The following LTBP1 variants were observed in gnomAD, a reference collection of about 807,000 sequenced individuals.
LTBP1 encodes the protein latent-transforming growth factor beta-binding protein 1.
Under a neutral mutation model 207.6 loss-of-function variants are expected in LTBP1, and 129 were observed. That is an observed-to-expected ratio of 0.62 (90% confidence interval 0.54 to 0.72). The LOEUF is 0.72. Among genes scored for constraint, LTBP1 ranks in the 30% least tolerant of loss-of-function variants. LTBP1 has a pLI of 0.00. For missense variants in LTBP1, 2,281 were observed against 2,217.2 expected, an observed-to-expected ratio of 1.03 and a Z score of -0.58; for synonymous variants, 963 against 833.7, an observed-to-expected ratio of 1.16 and a Z score of -2.67.
chr2:33,126,264 T>C (rs2081428971), intron 4 of LTBP1, among the ~76,000 whole-genome samples: 1 of 152,184 alleles, frequency 6.6e-6, no homozygotes, highest in African/African-American at 2.4e-5. Context: ...AAACAGGGTC[T>C]TGCTATATTG....
chr2:33,029,298 G>A (rs909333499), intron 3 of LTBP1, among the ~76,000 whole-genome samples: 3 of 152,056 alleles, frequency 2.0e-5, no homozygotes, highest in African/African-American at 4.8e-5. Context: ...CCAACATGGT[G>A]AAACCCCGTC....
intron 7 of LTBP1, among the ~76,000 whole-genome samples, chr2:33,214,033 T>G (rs940139488): frequency 6.6e-6 from 1 of 152,242 alleles, no homozygotes; most frequent in Non-Finnish European, 1.5e-5. Context: ...AAAATTGGAT[T>G]TTAACTGCTA....
Position 33,161,433 on chromosome 2 carries a change from A to T in LTBP1, c.1202-25423A>T, listed in dbSNP as rs186020441. ...AGGTGCCCGCCACCACACCCAGCTA[A>T]TTTTTTTGTATTTTCAGTAGAGATG... On this transcript the variant is annotated intron_variant, in intron 5 of 33. Transcript: ENST00000404816. Among the ~76,000 whole-genome samples the T allele has an allele frequency of 3.6e-3, 540 of 151,842 alleles. 2 individuals carry two copies. Among genetic ancestry groups the T allele is most frequent in the Non-Finnish European group, 6.1e-3 (412 of 67,926 alleles).
At position 33,243,766 on chromosome 2, in the gene LTBP1, A is replaced by G. The variant is rs1179907398; in HGVS notation, c.1981A>G (p.Thr661Ala). 1.9e-6 allele frequency: 3 copies of G among 1,613,934 alleles called. No homozygotes were observed. The highest frequency in any genetic ancestry group is 2.5e-6 in the Non-Finnish European group (3 of 1,179,962). ...TCKIGFGPDP[T>A]FSSCVPDPPV... ...CAAAATAGGATTTGGGCCGGATCCTACCTTTTCAAGTTGTGTTCGTAAGTA... is the reference window on the plus strand; with the variant it reads ...CAAAATAGGATTTGGGCCGGATCCTGCCTTTTCAAGTTGTGTTCGTAAGTA... The change falls in exon 10 of 34, where the codon ACC becomes GCC. Residue 661 changes from threonine to alanine, a missense_variant. Physicochemically the swap from Thr to Ala is moderately conservative, Grantham distance 58. Around this residue, in one of 3 missense-constraint regions of LTBP1, gnomAD observed 1,671 missense variants for 1,634.8 expected, o/e 1.02. Transcript: ENST00000404816.
chr2:33,373,504 G>C (rs1160650876), intron 31 of LTBP1, among the ~76,000 whole-genome samples: 1 of 152,194 alleles, frequency 6.6e-6, no homozygotes, highest in East Asian at 1.9e-4. Context: ...TCAAAGCAAT[G>C]TCAGTATGTA....
intron 4 of LTBP1, among the ~76,000 whole-genome samples, chr2:33,125,477 G>A (rs1334792146): frequency 6.6e-6 from 1 of 152,108 alleles, no homozygotes; most frequent in African/African-American, 2.4e-5. Context: ...AAAAGCAGAA[G>A]GGAAGAAGAA....
rs1426463176 is a variant in LTBP1 at position 33,365,484 on chromosome 2, C to T, written c.4692C>T (p.Leu1564=). 1 of 1,614,024 alleles carries T rather than the reference C, an allele frequency of 6.2e-7. No homozygotes were observed. The highest frequency in any genetic ancestry group is 1.7e-4 in the Middle Eastern group (1 of 6,054). The change falls in exon 31 of 34, where the codon CTC becomes CTT. Residue 1564 remains leucine (L), a synonymous_variant. Transcript: ENST00000404816. ...AGGCCTGGGGCATGCAGTGTGCCCTCTGCCCCCTGAAGGATTCAGGTGAGC... is the reference window on the plus strand; with the variant it reads ...AGGCCTGGGGCATGCAGTGTGCCCTTTGCCCCCTGAAGGATTCAGGTGAGC... ...YGEAWGMQCA[L]CPLKDSDDYA...
intron 15 of LTBP1, among the ~76,000 whole-genome samples, chr2:33,267,948 G>A (rs1306796752): frequency 1.3e-5 from 2 of 152,174 alleles, no homozygotes; most frequent in African/African-American, 4.8e-5. Flanking sequence ...GAAATACAGG[G>A]CTGACATCTG....
chr2:32,995,981 G>A (rs1685205780), intron 2 of LTBP1, among the ~76,000 whole-genome samples: 1 of 152,106 alleles, frequency 6.6e-6, no homozygotes. Flanking sequence ...TTACACCTGT[G>A]GGATTAACTA....
chr2:33,302,446 T>G (rs1196305806), intron 22 of LTBP1, among the ~76,000 whole-genome samples: 3 of 152,178 alleles, frequency 2.0e-5, no homozygotes, highest in Admixed American at 6.5e-5. Flanking sequence ...TTTTGGTGAA[T>G]GGTTTCATGA....
intron 15 of LTBP1, among the ~76,000 whole-genome samples, chr2:33,267,466 G>T (rs561428047): frequency 6.6e-6 from 1 of 152,296 alleles, no homozygotes; most frequent in East Asian, 1.9e-4. Context: ...GGCTAAAATT[G>T]TTATTCTCTA....
chr2:33,355,467 T>A (rs941033378), intron 26 of LTBP1, among the ~76,000 whole-genome samples: 1 of 152,198 alleles, frequency 6.6e-6, no homozygotes, highest in African/African-American at 2.4e-5. Context: ...GACATGTAAA[T>A]TGTTACACTA....
In LTBP1 at chr2:33,315,185, G is replaced by A. The variant is rs765474741; in HGVS notation, c.3646G>A (p.Gly1216Arg). ...CEHPGLCGPQ[G>R]ECLNTEGSFH... ...ACATCCAGGGCTCTGTGGTCCGCAA[G>A]GGGAGTGCCTAAACACAGAGGGTTC... is the stretch of plus-strand genomic sequence containing the variant. Residue 1216 changes from glycine to arginine, a missense_variant, in exon 24 of 34, where the codon GGG (glycine) becomes AGG (arginine). By Grantham distance (125) the Gly-to-Arg change is moderately radical (BLOSUM62 -2). This residue lies in a region of LTBP1 where 1,671 missense variants were observed against 1,634.8 expected (regional missense o/e 1.02). Coordinates refer to ENST00000404816, the MANE Select transcript of LTBP1 (RefSeq NM_206943.4). The A allele has an allele frequency of 6.8e-6, 11 of 1,612,612 alleles. No individual in the cohort carries two copies. The highest frequency in any genetic ancestry group is 1.3e-5 in the African/African-American group (1 of 74,850).
chr2:33,248,290 A>T (rs2092573995), intron 10 of LTBP1, among the ~76,000 whole-genome samples: 1 of 152,104 alleles, frequency 6.6e-6, no homozygotes, highest in Admixed American at 6.5e-5. Context: ...TCTCTATTGG[A>T]TTTGTTCTGT....
chr2:33,111,763 G>A (rs2080419680), intron 4 of LTBP1, among the ~76,000 whole-genome samples: 1 of 152,260 alleles, frequency 6.6e-6, no homozygotes, highest in Admixed American at 6.5e-5. Flanking sequence ...GTCCTGCTCA[G>A]TGACCGGTGG....
At chr2:33,146,434 G>C (rs2083049318) in intron 5 of LTBP1, among the ~76,000 whole-genome samples, 1 of 152,236 alleles carries the variant, frequency 6.6e-6, no homozygotes, top group African/African-American at 2.4e-5. Context: ...GGGCAGAGCG[G>C]AGGGTGGAAG....
chr2:33,016,764 T>G (rs1156871549), intron 2 of LTBP1, among the ~76,000 whole-genome samples: 1 of 152,234 alleles, frequency 6.6e-6, no homozygotes, highest in African/African-American at 2.4e-5. Context: ...GGCTCATGCC[T>G]GCAATCCTAG....
intron 22 of LTBP1, among the ~76,000 whole-genome samples, chr2:33,309,181 G>C (rs1558987717): frequency 6.6e-6 from 1 of 151,660 alleles, no homozygotes; most frequent in Admixed American, 6.6e-5. Context: ...TACTCGGGAG[G>C]CTGAGGCATG....
Position 33,268,248 on chromosome 2 carries a change from T to G in LTBP1, c.2617+4856T>G, listed in dbSNP as rs140832798. On this transcript the variant is annotated intron_variant, in intron 15 of 33. Coordinates refer to ENST00000404816, the MANE Select transcript of LTBP1 (RefSeq NM_206943.4). ...TTTCATATGGGAGCCAAACACAGAT[T>G]TAAGGAGCAATCTCATCAGTTCTCT... Among the ~76,000 whole-genome samples the G allele has an allele frequency of 3.3e-3, 509 of 152,288 alleles. 4 individuals are homozygous for G. Among genetic ancestry groups the G allele is most frequent in the African/African-American group, 0.012 (492 of 41,558 alleles).
Sources: allele counts gnomAD v4.1 joint callset (sites outside exome capture counted in the v4.1 genomes callset), GRCh38; gene constraint gnomAD v4.1.1; regional missense constraint gnomAD v4.1.1; transcripts MANE v1.5; gene names NCBI Gene and HGNC (gene_info 2026-07-23, HGNC 2026-07-21).